ASCC3: variants seen among roughly 807,000 people sequenced by gnomAD.
ASCC3 encodes ASC-1 complex subunit P200.
Under a neutral mutation model 256.3 loss-of-function variants are expected in ASCC3, and 158 were observed. The observed-to-expected ratio is 0.62, with a 90% CI of 0.54 to 0.70. ASCC3 has a LOEUF of 0.70. Ranked by LOEUF, ASCC3 falls within the 30% of genes least tolerant of loss-of-function variation. ASCC3 has a pLI of 0.00. For missense variants in ASCC3, 2,259 were observed against 2,626.0 expected (o/e 0.86, Z 3.05); for synonymous variants, 948 against 883.4 (o/e 1.07, Z -1.30).
intron 3 of ASCC3, chr6:100,856,997 T>G (rs1772979076): frequency 2.0e-5 from 3 of 152,160 alleles, no homozygotes; most frequent in Admixed American, 2.0e-4. Flanking sequence ...TAGGTAATAG[T>G]AGACACTGTC....
intron 37 of ASCC3, among the ~76,000 whole-genome samples, chr6:100,533,303 G>C (rs1775006858): frequency 1.3e-5 from 2 of 151,994 alleles, no homozygotes; most frequent in Admixed American, 1.3e-4. Flanking sequence ...ATAAAGCTTT[G>C]AATATAGTTA....
Position 100,638,643 on chromosome 6 carries a change from T to C in ASCC3, c.4080A>G (p.Glu1360=). ...PTGSGKTVAA[E]LAIFRVFNKY... ...TGTTGAAGACTCTGAAAATGGCTAA[T>C]TCAGCTGCAACAGTCTTTCCCGATC... Residue 1360 remains glutamate, a synonymous_variant, in exon 25 of 42, where the codon GAA becomes GAG. Coordinates refer to ENST00000369162, the MANE Select transcript of ASCC3 (RefSeq NM_006828.4). 6.2e-7 allele frequency: 1 copy of C among 1,614,002 alleles called. No homozygotes were observed.
At chr6:100,760,277 C>T (rs921731513) in intron 10 of ASCC3, among the ~76,000 whole-genome samples, 2 of 152,068 alleles carry the variant, frequency 1.3e-5, no homozygotes, top group East Asian at 3.8e-4. Flanking sequence ...ATATGATATT[C>T]GCTGTGGGAC....
At chr6:100,734,074 C>T (rs1163875058) in intron 10 of ASCC3, among the ~76,000 whole-genome samples, 1 of 152,088 alleles carries the variant, frequency 6.6e-6, no homozygotes, top group Non-Finnish European at 1.5e-5. Context: ...AAATAATTCT[C>T]ATTTTTCTTG....
chr6:100,633,122 G>A (rs889266698), intron 25 of ASCC3, among the ~76,000 whole-genome samples: 2 of 152,150 alleles, frequency 1.3e-5, no homozygotes, highest in South Asian at 4.1e-4. Flanking sequence ...ATTACTTGTA[G>A]TCAATTGTGG....
At chr6:100,572,071 A>C (rs1770618432) in intron 36 of ASCC3, among the ~76,000 whole-genome samples, 1 of 152,234 alleles carries the variant, frequency 6.6e-6, no homozygotes, top group Non-Finnish European at 1.5e-5. Context: ...CAGGAGATAT[A>C]AATCTCTATA....
At chr6:100,753,812 A>G (rs1017303572) in intron 10 of ASCC3, among the ~76,000 whole-genome samples, 3 of 152,176 alleles carry the variant, frequency 2.0e-5, no homozygotes, top group African/African-American at 7.2e-5. Flanking sequence ...TTGTTATATT[A>G]TTTGGGCAAA....
chr6:100,828,633 C>G (rs990336377), intron 4 of ASCC3, among the ~76,000 whole-genome samples: 1 of 151,994 alleles, frequency 6.6e-6, no homozygotes, highest in African/African-American at 2.4e-5. Flanking sequence ...TGCGGATCTT[C>G]GCGGTGAGTG....
intron 36 of ASCC3, among the ~76,000 whole-genome samples, chr6:100,557,453 T>TG (rs1432477709): frequency 6.6e-6 from 1 of 152,194 alleles, no homozygotes; most frequent in East Asian, 1.9e-4. Flanking sequence ...GTTTATAATT[T>TG]GTATATCTTT....
chr6:100,794,275 C>A (rs1769492092), intron 8 of ASCC3, among the ~76,000 whole-genome samples: 1 of 152,040 alleles, frequency 6.6e-6, no homozygotes, highest in Non-Finnish European at 1.5e-5. Flanking sequence ...TTTCAAAGCC[C>A]TTCATGTGCA....
intron 22 of ASCC3, among the ~76,000 whole-genome samples, chr6:100,645,112 AATC>A (rs1254397814): frequency 2.0e-5 from 3 of 152,188 alleles, no homozygotes; most frequent in African/African-American, 7.2e-5. Context: ...TAACTATTAA[AATC>A]ATTAAGTACT....
At chr6:100,761,981 G>C (rs1562278698) in intron 10 of ASCC3, among the ~76,000 whole-genome samples, 1 of 152,088 alleles carries the variant, frequency 6.6e-6, no homozygotes, top group Non-Finnish European at 1.5e-5. Context: ...CTTGAAAGAA[G>C]AGTAGATCAG....
chr6:100,571,676 G>A (rs552606230), intron 36 of ASCC3, among the ~76,000 whole-genome samples: 63 of 152,284 alleles, frequency 4.1e-4, no homozygotes, highest in African/African-American at 1.5e-3. Flanking sequence ...GGCTCAGAGG[G>A]TAAGTACCAT....
At chr6:100,661,136 T>A (rs1212901474) in intron 16 of ASCC3, among the ~76,000 whole-genome samples, 1 of 151,714 alleles carries the variant, frequency 6.6e-6, no homozygotes, top group Non-Finnish European at 1.5e-5. Context: ...ACTTTAAAGG[T>A]ATGAAAGAAT....
At chr6:100,796,099 T>G (rs1423123490) in intron 8 of ASCC3, among the ~76,000 whole-genome samples, 1 of 151,886 alleles carries the variant, frequency 6.6e-6, no homozygotes, top group African/African-American at 2.4e-5. Flanking sequence ...AAAACCACAA[T>G]GAGAAATCAC....
At chr6:100,747,499 A>G (rs9399681) in intron 10 of ASCC3, among the ~76,000 whole-genome samples, 143,008 of 152,110 alleles carry the variant, frequency 0.94, 67,548 homozygotes, top group South Asian at 0.99. Flanking sequence ...TGTGAAAATT[A>G]AAGGGATAAA....
intron 13 of ASCC3, among the ~76,000 whole-genome samples, chr6:100,701,833 A>G (rs1284241499): frequency 1.3e-5 from 2 of 152,192 alleles, no homozygotes. Context: ...CTAAGTGAAG[A>G]GAATAAGGAT....
intron 39 of ASCC3, among the ~76,000 whole-genome samples, chr6:100,514,492 G>C (rs982738473): frequency 1.3e-5 from 2 of 151,762 alleles, no homozygotes; most frequent in African/African-American, 4.8e-5. Context: ...TAACTCATTG[G>C]GATTTTACTT....
intron 30 of ASCC3, among the ~76,000 whole-genome samples, chr6:100,607,906 A>C (rs1772985211): frequency 6.7e-6 from 1 of 149,320 alleles, no homozygotes; most frequent in South Asian, 2.1e-4. Context: ...CTGTTTTATA[A>C]TTTACCTTTT....
Sources: gnomAD v4.1 joint callset for allele counts (sites outside exome capture counted in the v4.1 genomes callset) on GRCh38, gnomAD v4.1.1 for gene constraint, MANE v1.5 for transcripts, NCBI Gene and HGNC (gene_info 2026-07-23, HGNC 2026-07-21) for gene names.